The following FAM107B variants were observed in gnomAD, a reference collection of about 807,000 sequenced individuals.
FAM107B encodes family with sequence similarity 107 member B.
In FAM107B, 21 loss-of-function variants were observed where a neutral mutation model predicts 31.5. That is an observed-to-expected ratio of 0.67 (90% CI 0.47 to 0.96). The LOEUF is 0.96. Among genes scored for constraint, FAM107B ranks in the 40% least tolerant of loss-of-function variants. FAM107B has a pLI of 0.00. For synonymous variants in FAM107B, 157 were observed against 141.5 expected (o/e 1.11, Z -0.78); for missense variants, 452 against 377.1 (o/e 1.20, Z -1.64).
chr10:14,625,416 A>G (rs915163538), intron 2 of FAM107B, among the ~76,000 whole-genome samples: 2 of 152,034 alleles, frequency 1.3e-5, no homozygotes, highest in African/African-American at 2.4e-5. Flanking sequence ...CCTCTCCAGA[A>G]CAATGAGCAG....
chr10:14,738,804 T>C (rs1384359529), intron 1 of FAM107B, among the ~76,000 whole-genome samples: 1 of 152,200 alleles, frequency 6.6e-6, no homozygotes, highest in Non-Finnish European at 1.5e-5. Flanking sequence ...CCATTGATTA[T>C]ATTGTAACAC....
chr10:14,545,350 G>A (rs1299711565), intron 2 of FAM107B, among the ~76,000 whole-genome samples: 4 of 151,936 alleles, frequency 2.6e-5, no homozygotes, highest in African/African-American at 7.3e-5. Context: ...GTGGTTTAGC[G>A]CTTCTGTTAC....
At chr10:14,584,843 C>T (rs980697765) in intron 2 of FAM107B, among the ~76,000 whole-genome samples, 31 of 152,238 alleles carry the variant, frequency 2.0e-4, no homozygotes, top group Admixed American at 1.1e-3. Flanking sequence ...GTCCCCTCTT[C>T]CAACCAATCA....
At chr10:14,666,837 A>G (rs1854415157) in intron 2 of FAM107B, among the ~76,000 whole-genome samples, 1 of 152,138 alleles carries the variant, frequency 6.6e-6, no homozygotes, top group Non-Finnish European at 1.5e-5. Flanking sequence ...TCTATACCAG[A>G]GTAGGGTGCT....
chr10:14,702,061 G>A (rs1398961743), intron 1 of FAM107B, among the ~76,000 whole-genome samples: 2 of 152,244 alleles, frequency 1.3e-5, no homozygotes, highest in African/African-American at 4.8e-5. Context: ...TTCAGATGAA[G>A]AGCAGGGAAT....
chr10:14,613,229 C>T (rs532238670), intron 2 of FAM107B, among the ~76,000 whole-genome samples: 4 of 152,258 alleles, frequency 2.6e-5, no homozygotes, highest in African/African-American at 9.6e-5. Flanking sequence ...GCCTTGGCCT[C>T]CCAAAGTGCT....
chr10:14,753,939 T>C (rs1175539202), intron 1 of FAM107B, among the ~76,000 whole-genome samples: 1 of 148,998 alleles, frequency 6.7e-6, no homozygotes, highest in Non-Finnish European at 1.5e-5. Context: ...AAGTCTTTTT[T>C]TTCTTTTTTT....
At chr10:14,764,833 A>T (rs1047411762) in intron 1 of FAM107B, among the ~76,000 whole-genome samples, 1 of 152,228 alleles carries the variant, frequency 6.6e-6, no homozygotes, top group African/African-American at 2.4e-5. Context: ...CACAACTGCA[A>T]GTTATTTCAT....
intron 2 of FAM107B, among the ~76,000 whole-genome samples, chr10:14,582,365 T>TTTTTC (rs1166752889): frequency 7.5e-6 from 1 of 132,788 alleles, no homozygotes. Flanking sequence ...TTGTTTTTGT[T>TTTTTC]TTTTCTTTTC....
chr10:14,668,374 A>G (rs910728756), intron 1 of FAM107B, among the ~76,000 whole-genome samples: 1 of 152,168 alleles, frequency 6.6e-6, no homozygotes, highest in Admixed American at 6.6e-5. Flanking sequence ...TGCCACCAGC[A>G]TGGTTGAACA....
intron 1 of FAM107B, among the ~76,000 whole-genome samples, chr10:14,681,059 A>C (rs1854822299): frequency 6.6e-6 from 1 of 152,204 alleles, no homozygotes; most frequent in Non-Finnish European, 1.5e-5. Flanking sequence ...CACTGTGTAG[A>C]ATGCTAGGTG....
chr10:14,621,083 T>G (rs992043832), intron 2 of FAM107B, among the ~76,000 whole-genome samples: 2 of 152,186 alleles, frequency 1.3e-5, no homozygotes, highest in African/African-American at 4.8e-5. Context: ...TCTTAGTCAT[T>G]TTTTAAATAG....
At chr10:14,535,556 T>C (rs1232807600) in intron 2 of FAM107B, among the ~76,000 whole-genome samples, 3 of 152,146 alleles carry the variant, frequency 2.0e-5, no homozygotes, top group Non-Finnish European at 4.4e-5. Flanking sequence ...CTTGGACCTA[T>C]TCATGCAACT....
Position 14,774,543 on chromosome 10 carries a change from T to C in FAM107B, c.121A>G (p.Asn41Asp). 6.2e-7 allele frequency: 1 copy of C among 1,614,188 alleles called. No homozygotes were observed. Among genetic ancestry groups the C allele is most frequent in the Non-Finnish European group, 8.5e-7 (1 of 1,180,018 alleles). Reference sequence around the variant, plus strand: ...TGAGTATCAGCCACGCCGGACTGATTGAAGGAAGCACTCTCCCTCGTATTC... The same window carrying C: ...TGAGTATCAGCCACGCCGGACTGATCGAAGGAAGCACTCTCCCTCGTATTC... ...FGNTRESASFNQSGVADTHST... is the reference protein window; with the variant it reads ...FGNTRESASFDQSGVADTHST... The change falls in exon 1 of 5, where the codon AAT (asparagine) becomes GAT (aspartate). Residue 41 changes from asparagine (N) to aspartate (D), a missense_variant. Transcript: ENST00000181796.
chr10:14,643,161 G>A (rs1204040936), intron 2 of FAM107B, among the ~76,000 whole-genome samples: 1 of 152,108 alleles, frequency 6.6e-6, no homozygotes, highest in African/African-American at 2.4e-5. Context: ...ATTAGCTGAT[G>A]TGATTATGGA....
At chr10:14,611,589 G>A (rs557361681) in intron 2 of FAM107B, among the ~76,000 whole-genome samples, 154 of 149,750 alleles carry the variant, frequency 1.0e-3, no homozygotes, top group African/African-American at 3.5e-3. Flanking sequence ...AGGAAGGCTA[G>A]GCTAGGACTA....
intron 2 of FAM107B, chr10:14,572,086 G>A (rs1463584311): frequency 1.0e-6 from 1 of 985,290 alleles, no homozygotes; most frequent in Non-Finnish European, 1.2e-6. Flanking sequence ...GATATCAAAA[G>A]AGCCACAGTT....
intron 2 of FAM107B, among the ~76,000 whole-genome samples, chr10:14,635,721 T>C (rs890549805): frequency 6.6e-6 from 1 of 152,124 alleles, no homozygotes; most frequent in African/African-American, 2.4e-5. Context: ...AACCTCCACC[T>C]CCTGGGTTTA....
At chr10:14,772,327 C>T (rs1191575027) in intron 1 of FAM107B, among the ~76,000 whole-genome samples, 1 of 151,062 alleles carries the variant, frequency 6.6e-6, no homozygotes, top group East Asian at 1.9e-4. Context: ...GCACTCCAGC[C>T]TGGGAGACAG....
Sources: allele counts gnomAD v4.1 joint callset (sites outside exome capture counted in the v4.1 genomes callset), GRCh38; gene constraint gnomAD v4.1.1; transcripts MANE v1.5; gene names NCBI Gene and HGNC (gene_info 2026-07-23, HGNC 2026-07-21).